The following ERICH1 variants were observed in gnomAD, a reference collection of about 807,000 sequenced individuals.
ERICH1 encodes glutamate-rich protein 1.
In ERICH1, 56 loss-of-function variants were observed where a neutral mutation model predicts 39.6. That is an observed-to-expected ratio of 1.41 (90% confidence interval 1.14 to 1.77). The LOEUF is 1.77. ERICH1 is among the 40% of genes most tolerant of loss of function. The pLI, the probability that ERICH1 is intolerant of heterozygous loss-of-function variation, is 0.00. For missense variants in ERICH1, 826 were observed against 575.4 expected (o/e 1.44, Z -4.45); for synonymous variants, 313 against 223.6 (o/e 1.40, Z -3.57).
At chr8:622,742 C>G (rs1797361594) in intron 3 of ERICH1, among the ~76,000 whole-genome samples, 1 of 152,068 alleles carries the variant, frequency 6.6e-6, no homozygotes, top group South Asian at 2.1e-4. Context: ...CACTTGAGCC[C>G]AGGAGTTTCA....
At chr8:676,446 GGCGAGGACAGAGACGCGGCGGCCCC>G (rs1431726350) in intron 3 of ERICH1, among the ~76,000 whole-genome samples, 160 of 14,486 alleles carry the variant, frequency 0.011, 32 homozygotes, top group South Asian at 0.022. Context: ...GCGGCCCCTC[GGCGAGGACAGAGACGCGGCGGCCCC>G]TCGGCGAGGA....
chr8:722,064 G>C (rs149703588), intron 1 of ERICH1, among the ~76,000 whole-genome samples: 2 of 152,056 alleles, frequency 1.3e-5, no homozygotes, highest in East Asian at 3.9e-4. Context: ...CGACGACTCC[G>C]TGTCTGTCAG....
chr8:633,728 T>C (rs1170157263), intron 3 of ERICH1, among the ~76,000 whole-genome samples: 1 of 152,130 alleles, frequency 6.6e-6, no homozygotes, highest in East Asian at 1.9e-4. Flanking sequence ...AAATAAACCC[T>C]CAAACTCAAG....
intron 3 of ERICH1, among the ~76,000 whole-genome samples, chr8:636,182 C>T (rs1411218199): frequency 6.6e-6 from 1 of 152,198 alleles, no homozygotes; most frequent in East Asian, 1.9e-4. Flanking sequence ...ACCTCCACTG[C>T]CCTGGGCCGA....
chr8:633,965 T>C (rs1276338854), intron 3 of ERICH1, among the ~76,000 whole-genome samples: 1 of 152,182 alleles, frequency 6.6e-6, no homozygotes, highest in African/African-American at 2.4e-5. Context: ...ATGTTGGATT[T>C]GGCAGTGACT....
At chr8:689,734 AGTG>A in intron 3 of ERICH1, among the ~76,000 whole-genome samples, 1 of 152,332 alleles carries the variant, frequency 6.6e-6, no homozygotes, top group African/African-American at 2.4e-5. Flanking sequence ...GCGTCCCCAC[AGTG>A]GTCAGCTGGG....
rs1190748079 is a variant in ERICH1, at chr8:646,053, A to C, written c.976+22545T>G. Reference sequence around the variant, plus strand: ...TGCAGTGGAGAAACATGGATTGTTTAATTAAAGCAGGAGCTGTTATAATTC... The same window carrying C: ...TGCAGTGGAGAAACATGGATTGTTTCATTAAAGCAGGAGCTGTTATAATTC... On this transcript the variant is annotated intron_variant, in intron 3 of 3. Transcript: ENST00000522706. Among the ~76,000 whole-genome samples the C allele has an allele frequency of 2.9e-5, 2 of 70,066 alleles. 1 individual carries two copies. Among genetic ancestry groups the C allele is most frequent in the Non-Finnish European group, 9.0e-5 (2 of 22,178 alleles). 46.0% of individuals were successfully genotyped at this position (70,066 alleles called of 152,430 possible).
chr8:633,406 C>T (rs1478943062), intron 3 of ERICH1, among the ~76,000 whole-genome samples: 3 of 152,098 alleles, frequency 2.0e-5, no homozygotes. Context: ...ATGGGTAAAT[C>T]TCAAAAACAC....
intron 1 of ERICH1, among the ~76,000 whole-genome samples, chr8:721,836 T>C (rs1253204704): frequency 1.3e-5 from 2 of 152,252 alleles, no homozygotes; most frequent in Admixed American, 6.5e-5. Flanking sequence ...ATGCTCGTTT[T>C]TGATCCAATG....
intron 3 of ERICH1, among the ~76,000 whole-genome samples, chr8:622,882 C>T (rs1488542572): frequency 3.3e-5 from 5 of 151,978 alleles, no homozygotes; most frequent in African/African-American, 4.8e-5. Context: ...TGCTTGAGCC[C>T]AGGAATTCAA....
In ERICH1 at chr8:715,869, G is replaced by T. The variant is rs1228513851; in HGVS notation, c.161C>A (p.Pro54His). 1 of 1,611,912 alleles carries T rather than the reference G, an allele frequency of 6.2e-7. No homozygotes were observed. Among genetic ancestry groups the T allele is most frequent in the Admixed American group, 1.7e-5 (1 of 59,462 alleles). Residue 54 changes from proline (P) to histidine (H), a missense_variant, in exon 2 of 6, where the codon CCT becomes CAT. Physicochemically the swap from Pro to His is moderately conservative, Grantham distance 77 (BLOSUM62 -2). Coordinates refer to ENST00000262109, the MANE Select transcript of ERICH1 (RefSeq NM_207332.3). ...SEKVSQKHAEPLTDTGSETPT... is the reference protein window; with the variant it reads ...SEKVSQKHAEHLTDTGSETPT... ...TCTGCAGACAAACTCACCTGTCAAA[G>T]GCTCAGCATGTTTCTGGCTCACTTT...
chr8:678,015 T>C (rs925154304), intron 3 of ERICH1, among the ~76,000 whole-genome samples: 15 of 152,156 alleles, frequency 9.9e-5, no homozygotes, highest in African/African-American at 3.6e-4. Context: ...GCGCTATTGA[T>C]CTATTTTTAT....
chr8:631,427 G>T (rs1363596961), intron 3 of ERICH1, among the ~76,000 whole-genome samples: 1 of 152,194 alleles, frequency 6.6e-6, no homozygotes, highest in Non-Finnish European at 1.5e-5. Context: ...ATGCAGGCGG[G>T]TGAGGATGGG....
intron 3 of ERICH1, among the ~76,000 whole-genome samples, chr8:657,437 G>A (rs1206809632): frequency 6.6e-6 from 1 of 152,026 alleles, no homozygotes; most frequent in Admixed American, 6.6e-5. Flanking sequence ...TGTGATTTAA[G>A]GTCACACTGA....
At chr8:619,197 G>C (rs1040539542) in intron 3 of ERICH1, among the ~76,000 whole-genome samples, 1 of 152,054 alleles carries the variant, frequency 6.6e-6, no homozygotes, top group East Asian at 1.9e-4. Flanking sequence ...TCCCAGCCCC[G>C]TGTTAAAATG....
At chr8:685,960 C>A (rs1178371469) in intron 3 of ERICH1, among the ~76,000 whole-genome samples, 1 of 140,738 alleles carries the variant, frequency 7.1e-6, no homozygotes, top group Admixed American at 7.5e-5. Context: ...GCCTGGCCAA[C>A]ATGGTGAAAC....
intron 2 of ERICH1, among the ~76,000 whole-genome samples, chr8:701,914 A>T (rs930704846): frequency 2.0e-5 from 3 of 151,874 alleles, no homozygotes; most frequent in Non-Finnish European, 4.4e-5. Flanking sequence ...ACATGGTGAA[A>T]CCTCGTCTCT....
intron 2 of ERICH1, among the ~76,000 whole-genome samples, chr8:712,727 C>T (rs1815038593): frequency 6.6e-6 from 1 of 152,176 alleles, no homozygotes; most frequent in Non-Finnish European, 1.5e-5. Context: ...TTTCAAATTC[C>T]ACTTGTTCTT....
intron 1 of ERICH1, among the ~76,000 whole-genome samples, chr8:723,613 A>G (rs971422456): frequency 1.3e-5 from 2 of 152,234 alleles, no homozygotes; most frequent in Admixed American, 1.3e-4. Context: ...CTCAGTGAAC[A>G]GCAGCTCTAG....
Sources: allele counts gnomAD v4.1 joint callset (sites outside exome capture counted in the v4.1 genomes callset), GRCh38; gene constraint gnomAD v4.1.1; transcripts MANE v1.5; gene names NCBI Gene and HGNC (gene_info 2026-07-23, HGNC 2026-07-21).